NTRK3: variants seen among roughly 807,000 people sequenced by gnomAD.
The protein encoded by NTRK3 is NT-3 growth factor receptor.
A neutral mutation model predicts 91.7 loss-of-function variants in NTRK3; 24 were observed. The observed-to-expected ratio is 0.26, with a 90% CI of 0.19 to 0.37. The LOEUF is 0.37. Ranked by LOEUF, NTRK3 falls within the 10% of genes least tolerant of loss-of-function variation. The pLI is 1.00. For synonymous variants in NTRK3, 483 were observed against 404.0 expected (o/e 1.20, Z -2.34); for missense variants, 880 against 1,068.9 (o/e 0.82, Z 2.46).
At chr15:87,919,682 C>T (rs1596252959) in intron 17 of NTRK3, among the ~76,000 whole-genome samples, 1 of 152,292 alleles carries the variant, frequency 6.6e-6, no homozygotes, top group South Asian at 2.1e-4. Context: ...TTCTTCTACC[C>T]ACCAGGGTGA....
intron 13 of NTRK3, among the ~76,000 whole-genome samples, chr15:88,052,217 G>A (rs1461977601): frequency 6.6e-6 from 1 of 152,194 alleles, no homozygotes; most frequent in Non-Finnish European, 1.5e-5. Context: ...AATAGGACAG[G>A]AGGTAGCCTG....
At chr15:87,974,486 A>C (rs567981925) in intron 14 of NTRK3, among the ~76,000 whole-genome samples, 1 of 150,638 alleles carries the variant, frequency 6.6e-6, no homozygotes, top group Non-Finnish European at 1.5e-5. Context: ...GCCTAACCTG[A>C]TATCCTAAGG....
intron 13 of NTRK3, among the ~76,000 whole-genome samples, chr15:88,106,605 A>G (rs1342610463): frequency 2.6e-5 from 4 of 152,200 alleles, no homozygotes; most frequent in African/African-American, 4.8e-5. Flanking sequence ...TGAATTGCTC[A>G]AGACCATTTT....
At chr15:88,223,054 C>T (rs1033583133) in intron 3 of NTRK3, among the ~76,000 whole-genome samples, 4 of 152,034 alleles carry the variant, frequency 2.6e-5, no homozygotes, top group East Asian at 1.9e-4. Flanking sequence ...GGAGGGTGGG[C>T]GGCAGGGGAG....
At position 88,135,277 on chromosome 15, in the gene NTRK3, C is replaced by T. The variant is rs183806623; in HGVS notation, c.1028G>A (p.Arg343Gln). ...TTCCACATGGATGATCTTGGACTCC[C>T]GCAGAGGCTGCCCATTGTGCAGCCA... Residue 343 changes from arginine (R) to glutamine (Q), a missense_variant, in exon 10 of 19, where the codon CGG becomes CAG. Arg to Gln is a conservative substitution (Grantham distance 43, BLOSUM62 1). Transcript: ENST00000394480. The T allele has an allele frequency of 6.0e-5, 97 of 1,614,160 alleles. No individual in the cohort carries two copies. In the South Asian group the frequency reaches 6.9e-4, roughly 12 times the overall value.
At chr15:88,162,686 A>T (rs1371349665) in intron 5 of NTRK3, among the ~76,000 whole-genome samples, 2 of 152,370 alleles carry the variant, frequency 1.3e-5, no homozygotes, top group East Asian at 3.9e-4. Context: ...AATAATTAAT[A>T]TCATCAGGAT....
chr15:87,902,853 C>T (rs1181234459), intron 17 of NTRK3, among the ~76,000 whole-genome samples: 2 of 152,106 alleles, frequency 1.3e-5, no homozygotes, highest in Admixed American at 6.5e-5. Flanking sequence ...CATGTAAAAA[C>T]CGACATGCCC....
chr15:87,872,702 C>G (rs1267595262), exon 19 of NTRK3: 4 of 232,654 alleles, frequency 1.7e-5, no homozygotes, highest in Non-Finnish European at 3.4e-5. Context: ...TTCCTCAAAT[C>G]TACCAGTCAC....
chr15:87,994,304 G>A (rs759983263), intron 14 of NTRK3, among the ~76,000 whole-genome samples: 39 of 152,116 alleles, frequency 2.6e-4, no homozygotes, highest in Non-Finnish European at 4.6e-4. Flanking sequence ...ATTTGAAAAC[G>A]GGATCTTTGC....
At chr15:88,058,554 T>C (rs2045929846) in intron 13 of NTRK3, among the ~76,000 whole-genome samples, 1 of 152,140 alleles carries the variant, frequency 6.6e-6, no homozygotes, top group East Asian at 1.9e-4. Flanking sequence ...ATTTTTTAAC[T>C]TCTTTTCCCA....
chr15:87,894,385 A>G (rs973991154), intron 17 of NTRK3, among the ~76,000 whole-genome samples: 1 of 152,218 alleles, frequency 6.6e-6, no homozygotes, highest in Non-Finnish European at 1.5e-5. Flanking sequence ...TAATATACAT[A>G]CACACATCCA....
At chr15:88,083,303 C>T (rs1254322868) in intron 13 of NTRK3, among the ~76,000 whole-genome samples, 2 of 152,164 alleles carry the variant, frequency 1.3e-5, no homozygotes, top group African/African-American at 4.8e-5. Flanking sequence ...TCACTGCAAC[C>T]TCTGCCTCCC....
chr15:87,981,500 G>A (rs2074265295), intron 14 of NTRK3: 3 of 1,061,294 alleles, frequency 2.8e-6, no homozygotes, highest in Admixed American at 3.8e-5. Context: ...CCACTCTGCT[G>A]TGCCTGTAGT....
chr15:88,137,605 T>C (rs751980743), intron 6 of NTRK3, 44 bp from the exon 7 acceptor site: 6 of 1,604,828 alleles, frequency 3.7e-6, no homozygotes, highest in Non-Finnish European at 5.1e-6. Context: ...GAACCGAAGA[T>C]GGCCCAGGAC....
intron 13 of NTRK3, among the ~76,000 whole-genome samples, chr15:88,078,886 A>G (rs1304304848): frequency 6.6e-6 from 1 of 152,218 alleles, no homozygotes; most frequent in African/African-American, 2.4e-5. Context: ...CACGGGGGAA[A>G]GTGGCAGGGG....
chr15:88,252,037 G>A (rs1387387341), intron 3 of NTRK3, among the ~76,000 whole-genome samples: 1 of 152,116 alleles, frequency 6.6e-6, no homozygotes, highest in Non-Finnish European at 1.5e-5. Context: ...CCTTTCCTTG[G>A]TGGAAAACCC....
At chr15:87,953,528 C>G (rs543211275) in intron 14 of NTRK3, among the ~76,000 whole-genome samples, 13 of 152,296 alleles carry the variant, frequency 8.5e-5, no homozygotes, top group South Asian at 2.1e-4. Flanking sequence ...GACTGACGGT[C>G]AGTGGAAAAT....
chr15:88,189,153 C>T (rs1340460775), intron 3 of NTRK3, among the ~76,000 whole-genome samples: 2 of 152,140 alleles, frequency 1.3e-5, no homozygotes, highest in Non-Finnish European at 2.9e-5. Context: ...ATCAAGATCT[C>T]ATGATGCTGC....
chr15:87,867,451 G>A (rs2064714696), exon 19 of NTRK3: 1 of 230,200 alleles, frequency 4.3e-6, no homozygotes, highest in Admixed American at 5.7e-5. Flanking sequence ...CTCAGTGTGG[G>A]GGGGATGTTT....
Sources: gnomAD v4.1 joint callset for allele counts (sites outside exome capture counted in the v4.1 genomes callset) on GRCh38, gnomAD v4.1.1 for gene constraint, MANE v1.5 for transcripts, NCBI Gene and HGNC (gene_info 2026-07-23, HGNC 2026-07-21) for gene names.